The following AMDHD2 variants were observed in gnomAD, a reference collection of about 807,000 sequenced individuals.
AMDHD2 encodes N-acetylglucosamine-6-phosphate deacetylase.
A neutral mutation model predicts 41.8 loss-of-function variants in AMDHD2; 24 were observed. The observed-to-expected ratio is 0.57, with a 90% CI of 0.42 to 0.81. The LOEUF (loss-of-function observed/expected upper bound fraction) is 0.81, where lower values mean the gene tolerates loss of function less well. Ranked by LOEUF, AMDHD2 falls within the 30% of genes least tolerant of loss-of-function variation. The pLI is 0.00. For synonymous variants in AMDHD2, 332 were observed against 255.5 expected (o/e 1.30, Z -2.85); for missense variants, 540 against 588.5 (o/e 0.92, Z 0.85).
chr16:2,531,383 TGTG>T lies in AMDHD2; in HGVS notation c.*1823_*1825del. The stretch of plus-strand genomic sequence containing the variant: ...TGGTTTTGGTTTGCTTTTTAAAAAT[TGTG>T]GTAAAATACATAACAAAAGTAACTA... On this transcript the variant is annotated 3_prime_UTR_variant, in exon 11 of 11. Transcript: ENST00000293971. 1 of 505,212 alleles carries T rather than the reference TGTG, an allele frequency of 2.0e-6. No individual in the cohort carries two copies. Among genetic ancestry groups the T allele is most frequent in the Non-Finnish European group, 3.6e-6 (1 of 276,878 alleles). 31.3% of individuals were successfully genotyped at this position (505,212 alleles called of 1,614,324 possible). A position where few individuals can be genotyped will look rare whatever the true frequency, so the allele number is the denominator to read the frequency against.
At position 2,530,750 on chromosome 16, in the gene AMDHD2, C is replaced by T. The variant is rs150766477; in HGVS notation, c.*1187C>T. ...GGAAGAACCACCTGCCTGGGCAGGG[C>T]CTCGCCTGAGGGAGGGCCTGGGGCA... is the stretch of plus-strand genomic sequence containing the variant. On this transcript the variant is annotated 3_prime_UTR_variant, in exon 11 of 11. Transcript: ENST00000293971. 6.2e-7 allele frequency: 1 copy of T among 1,613,632 alleles called. No individual in the cohort carries two copies. Among genetic ancestry groups the T allele is most frequent in the Admixed American group, 1.7e-5 (1 of 60,026 alleles).
Position 2,531,047 on chromosome 16 carries a change from C to T in AMDHD2, c.*1484C>T. The T allele has an allele frequency of 1.3e-6, 2 of 1,597,026 alleles. No individual in the cohort carries two copies. Among genetic ancestry groups the T allele is most frequent in the South Asian group, 1.1e-5 (1 of 90,210 alleles). On this transcript the variant is annotated 3_prime_UTR_variant, in exon 11 of 11. Transcript: ENST00000293971. The stretch of plus-strand genomic sequence containing the variant: ...TTGAGCATCGCCTGTGCCCAGCTTG[C>T]TGGCTGTCAGTGCTTGATGTGCCCA...
chr16:2,530,609 G>T lies in AMDHD2; in HGVS notation c.*1046G>T, dbSNP rs780354370. The T allele has an allele frequency of 1.2e-6, 2 of 1,614,160 alleles. No homozygotes were observed. The highest frequency in any genetic ancestry group is 3.3e-5 in the Admixed American group (2 of 60,034). ...GTGCTGTCCTGGGCACAGGAGGTACGCGCCTGGCTCTGCCACTGTTCTCTT... is the reference window on the plus strand; with the variant it reads ...GTGCTGTCCTGGGCACAGGAGGTACTCGCCTGGCTCTGCCACTGTTCTCTT... On this transcript the variant is annotated 3_prime_UTR_variant, in exon 11 of 11. Transcript: ENST00000293971.
In AMDHD2 at chr16:2,528,167, CA is replaced by C. The variant is rs533509006; in HGVS notation, c.717+20del. Reference sequence around the variant, plus strand: ...GCTGCCTGTGAGTGCTATGGGGCCCCAGGGGCGGGGCTGGGGTCCCAGCAGC... The same window carrying C: ...GCTGCCTGTGAGTGCTATGGGGCCCCGGGGCGGGGCTGGGGTCCCAGCAGC... On this transcript the variant is annotated intron_variant, in intron 6 of 10. Coordinates refer to ENST00000293971, the MANE Select transcript of AMDHD2 (RefSeq NM_001330449.2). 1,433 of 1,612,750 alleles carry C rather than the reference CA, an allele frequency of 8.9e-4. 3 individuals carry two copies. The African/African-American group carries it at 0.011, about 13-fold the overall frequency.
At chr16:2,522,663 C>G (rs868720686) in intron 3 of AMDHD2, among the ~76,000 whole-genome samples, 2 of 150,998 alleles carry the variant, frequency 1.3e-5, no homozygotes, top group African/African-American at 4.9e-5. Flanking sequence ...GGCAACAGAT[C>G]GAGACTCCAT....
rs781126788 is a variant in AMDHD2 at position 2,521,106 on chromosome 16, C to T, written c.343C>T (p.Pro115Ser). The T allele has an allele frequency of 2.5e-6, 4 of 1,589,348 alleles. No homozygotes were observed. Among genetic ancestry groups the T allele is most frequent in the Non-Finnish European group, 3.4e-6 (4 of 1,163,318 alleles). ...CTGCCCCACCCTGGTCACTTCCCCA[C>T]CGGAGGTTTATCACAAGGTGAGGTG... Reference protein sequence around the residue: ...SFCPTLVTSPPEVYHKVVPQI... With the variant: ...SFCPTLVTSPSEVYHKVVPQI... The change falls in exon 3 of 11, where the codon CCG (proline) becomes TCG (serine). Residue 115 changes from proline (P) to serine (S), a missense_variant. Pro to Ser is a moderately conservative substitution (Grantham distance 74, BLOSUM62 -1). Transcript: ENST00000293971.
At position 2,520,815 on chromosome 16, in the gene AMDHD2, C is replaced by G; in HGVS notation, c.130C>G (p.Leu44Val). 6.2e-7 allele frequency: 1 copy of G among 1,611,006 alleles called. No homozygotes were observed. Among genetic ancestry groups the G allele is most frequent in the Non-Finnish European group, 8.5e-7 (1 of 1,179,266 alleles). ...RGGRILDPEK[L>V]FFEERRVADE... ...AGGCCGCATCTTGGACCCAGAGAAGCTGTTCTTTGAGGAGCGGCGCGTGGC... is the reference window on the plus strand; with the variant it reads ...AGGCCGCATCTTGGACCCAGAGAAGGTGTTCTTTGAGGAGCGGCGCGTGGC... The change falls in exon 2 of 11, where the codon CTG becomes GTG. Residue 44 changes from leucine to valine, a missense_variant. Leu to Val is a conservative substitution (Grantham distance 32, BLOSUM62 1). Coordinates refer to ENST00000293971, the MANE Select transcript of AMDHD2 (RefSeq NM_001330449.2).
Position 2,527,441 on chromosome 16 carries a change from G to C in AMDHD2, c.361-120G>C. 1 of 1,081,186 alleles carries C rather than the reference G, an allele frequency of 9.2e-7. No individual in the cohort carries two copies. The highest frequency in any genetic ancestry group is 1.4e-5 in the South Asian group (1 of 72,092). The allele number at this position is 1,081,186 out of a possible 1,614,324, so 67.0% of individuals were successfully genotyped here. A position where few individuals can be genotyped will look rare whatever the true frequency, so the allele number is the denominator to read the frequency against. ...CCTGACCCCTGTGAGGGGACAGGCG[G>C]CCGGGGCTGGGCTGGGTGCTGGGCT... On this transcript the variant is annotated intron_variant, in intron 3 of 10. Transcript: ENST00000293971. The surrounding 1 kb of genome is among the most constrained non-coding windows in gnomAD (Gnocchi z 6.1).
chr16:2,528,503 G>A lies in AMDHD2; in HGVS notation c.914G>A (p.Arg305Gln), dbSNP rs2141911476. The A allele has an allele frequency of 3.1e-6, 5 of 1,612,824 alleles. No homozygotes were observed. The highest frequency in any genetic ancestry group is 2.2e-5 in the East Asian group (1 of 44,876). ...AIPALGLGNG[R>Q]HTLGQQEVEV... ...CCTGCCTTGGGCCTGGGCAACGGCCGGCACACGCTGGGACAGCAGGAAGTG... is the reference window on the plus strand; with the variant it reads ...CCTGCCTTGGGCCTGGGCAACGGCCAGCACACGCTGGGACAGCAGGAAGTG... Residue 305 changes from arginine (R) to glutamine (Q), a missense_variant, in exon 8 of 11, where the codon CGG (arginine) becomes CAG (glutamine). By Grantham distance (43) the Arg-to-Gln change is conservative (BLOSUM62 1). Coordinates refer to ENST00000293971, the MANE Select transcript of AMDHD2 (RefSeq NM_001330449.2).
rs2141915495 is a variant in AMDHD2, at chr16:2,530,215, G to C, written c.*652G>C. 1 of 1,543,108 alleles carries C rather than the reference G, an allele frequency of 6.5e-7. No individual in the cohort carries two copies. Among genetic ancestry groups the C allele is most frequent in the African/African-American group, 1.4e-5 (1 of 73,614 alleles). On this transcript the variant is annotated 3_prime_UTR_variant, in exon 11 of 11. Coordinates refer to ENST00000293971, the MANE Select transcript of AMDHD2 (RefSeq NM_001330449.2). The stretch of plus-strand genomic sequence containing the variant: ...GAGTGCCACGGATGACCAGCGTTCT[G>C]TTTTCTCTTCTCAATAACCCTATCT...
intron 3 of AMDHD2, among the ~76,000 whole-genome samples, chr16:2,521,368 C>G (rs939840813): frequency 1.3e-5 from 2 of 152,166 alleles, no homozygotes; most frequent in Admixed American, 1.3e-4. Flanking sequence ...TCAGCACCGT[C>G]TGAGCCATAG....
rs200264919 is a variant in AMDHD2 at position 2,527,954 on chromosome 16, G to A, written c.597G>A (p.Ala199=). Residue 199 remains alanine, a synonymous_variant, in exon 5 of 11, where the codon GCG becomes GCA. Transcript: ENST00000293971. The surrounding 1 kb of genome is among the most constrained non-coding windows in gnomAD (Gnocchi z 6.1). The part of the protein sequence containing the change: ...ELGRSHEVIR[A]LTARGICVSL... ...GCCGTAGCCACGAAGTGATCCGGGC[G>A]CTGACGGCCCGTGGCATCTGCGTGT... is the stretch of plus-strand genomic sequence containing the variant. 2.0e-5 allele frequency: 32 copies of A among 1,601,746 alleles called. No homozygotes were observed. The highest frequency in any genetic ancestry group is 1.3e-4 in the East Asian group (6 of 44,820).
chr16:2,529,447 C>G, intron 10 of AMDHD2, 28 bp from the exon 11 acceptor site: 2 of 1,606,772 alleles, frequency 1.2e-6, no homozygotes, highest in Admixed American at 1.7e-5. Context: ...CACTCCTGCC[C>G]CCTACTCATT....
chr16:2,528,498 C>T lies in AMDHD2; in HGVS notation c.909C>T (p.Asn303=), dbSNP rs771960896. The T allele has an allele frequency of 1.1e-5, 17 of 1,612,782 alleles. No homozygotes were observed. The highest frequency in any genetic ancestry group is 1.7e-4 in the Middle Eastern group (1 of 5,954). ...CCATCCCTGCCTTGGGCCTGGGCAA[C>T]GGCCGGCACACGCTGGGACAGCAGG... ...TDAIPALGLG[N]GRHTLGQQEV... is the part of the protein sequence containing the mutation. The change falls in exon 8 of 11, where the codon AAC becomes AAT. Residue 303 remains asparagine (N), a synonymous_variant. Coordinates refer to ENST00000293971, the MANE Select transcript of AMDHD2 (RefSeq NM_001330449.2).
intron 3 of AMDHD2, among the ~76,000 whole-genome samples, chr16:2,524,037 G>A (rs2065973650): frequency 6.6e-6 from 1 of 152,226 alleles, no homozygotes; most frequent in African/African-American, 2.4e-5. Flanking sequence ...CAGTGCAGGT[G>A]TCTTAACCCT....
Position 2,529,493 on chromosome 16 carries a change from A to G in AMDHD2, c.1160A>G (p.Asp387Gly). Residue 387 changes from aspartate (D) to glycine (G), a missense_variant, in exon 11 of 11, where the codon GAC becomes GGC. Physicochemically the swap from Asp to Gly is moderately conservative, Grantham distance 94. Transcript: ENST00000293971. ...GTCCCAGACTTCGTGGTGCTCGACG[A>G]CTCCCTTCACGTCCAGGCCACCTAC... ...GADADFVVLD[D>G]SLHVQATYIS... 1 of 1,610,096 alleles carries G rather than the reference A, an allele frequency of 6.2e-7. No homozygotes were observed. The highest frequency in any genetic ancestry group is 8.5e-7 in the Non-Finnish European group (1 of 1,179,702).
Position 2,530,773 on chromosome 16 carries a change from G to A in AMDHD2, c.*1210G>A. 3 of 1,613,654 alleles carry A rather than the reference G, an allele frequency of 1.9e-6. No individual in the cohort carries two copies. The highest frequency in any genetic ancestry group is 1.7e-6 in the Non-Finnish European group (2 of 1,179,952). ...GGCCTCGCCTGAGGGAGGGCCTGGG[G>A]CAGGGCACAAGGGGTTGATCTCAGC... On this transcript the variant is annotated 3_prime_UTR_variant, in exon 11 of 11. Coordinates refer to ENST00000293971, the MANE Select transcript of AMDHD2 (RefSeq NM_001330449.2).
intron 9 of AMDHD2, 40 bp downstream of exon 9, chr16:2,528,758 A>G (rs1299339291): frequency 1.9e-6 from 3 of 1,604,210 alleles, no homozygotes; most frequent in Non-Finnish European, 2.6e-6. Flanking sequence ...GTGGTCTGTG[A>G]GTGGTGGGTC....
chr16:2,521,941 C>T (rs538958686), intron 3 of AMDHD2, among the ~76,000 whole-genome samples: 9 of 152,078 alleles, frequency 5.9e-5, no homozygotes, highest in Non-Finnish European at 8.8e-5. Context: ...CCCGCCACCT[C>T]GCCCGGCTAA....
Sources: allele counts gnomAD v4.1 joint callset (sites outside exome capture counted in the v4.1 genomes callset), GRCh38; gene constraint gnomAD v4.1.1; non-coding constraint Gnocchi (gnomAD v3.1); transcripts MANE v1.5; gene names NCBI Gene and HGNC (gene_info 2026-07-23, HGNC 2026-07-21).